Variants in BTBD7 observed in about 807,000 individuals in gnomAD.
BTBD7 encodes the protein BTB domain containing 7, also known as BTB/POZ domain-containing protein 7.
In BTBD7, 38 loss-of-function variants were observed where a neutral mutation model predicts 99.9. The observed-to-expected ratio is 0.38, with a 90% CI of 0.29 to 0.50. BTBD7 has a LOEUF of 0.50. Ranked by LOEUF, BTBD7 falls within the 20% of genes least tolerant of loss-of-function variation. The pLI is 0.93. For missense variants in BTBD7, 1,170 were observed against 1,394.6 expected, an observed-to-expected ratio of 0.84 and a Z score of 2.57; for synonymous variants, 520 against 511.4, an observed-to-expected ratio of 1.02 and a Z score of -0.23.
intron 1 of BTBD7, among the ~76,000 whole-genome samples, chr14:93,300,772 G>A (rs205323): frequency 0.55 from 36,575 of 66,500 alleles, 8,193 homozygotes; most frequent in Admixed American, 0.6. Flanking sequence ...GTGTGTGTGT[G>A]TATATATATA....
chr14:93,273,940 TGTG>T (rs1200103601), intron 3 of BTBD7, among the ~76,000 whole-genome samples: 1 of 152,224 alleles, frequency 6.6e-6, no homozygotes, highest in Non-Finnish European at 1.5e-5. Flanking sequence ...GTGCAAGGTC[TGTG>T]GCTATACAAC....
At chr14:93,318,316 G>A (rs1314081759) in intron 1 of BTBD7, among the ~76,000 whole-genome samples, 1 of 152,202 alleles carries the variant, frequency 6.6e-6, no homozygotes, top group East Asian at 1.9e-4. Context: ...AAAGGAGGAA[G>A]AAAGTGGTTA....
intron 3 of BTBD7, among the ~76,000 whole-genome samples, chr14:93,290,529 T>C (rs1017232620): frequency 6.7e-6 from 1 of 148,232 alleles, no homozygotes; most frequent in African/African-American, 2.5e-5. Context: ...TTTTTTTTTT[T>C]TTTTTTAAGA....
chr14:93,315,477 A>G (rs373701634), intron 1 of BTBD7, among the ~76,000 whole-genome samples: 1 of 152,160 alleles, frequency 6.6e-6, no homozygotes, highest in African/African-American at 2.4e-5. Flanking sequence ...CTGACACTAT[A>G]TTACTTGTAG....
At chr14:93,279,752 T>C (rs2052698220) in intron 3 of BTBD7, among the ~76,000 whole-genome samples, 1 of 152,224 alleles carries the variant, frequency 6.6e-6, no homozygotes, top group South Asian at 2.1e-4. Flanking sequence ...TTCACCATGT[T>C]GGCCAGACTG....
chr14:93,288,708 C>T (rs1332199104), intron 3 of BTBD7: 1 of 1,607,890 alleles, frequency 6.2e-7, no homozygotes, highest in South Asian at 1.1e-5. Context: ...GTAGTCTCCT[C>T]TGTAAAACAA....
chr14:93,244,085 A>G, intron 10 of BTBD7: 1 of 476,456 alleles, frequency 2.1e-6, no homozygotes, highest in Non-Finnish European at 4.2e-6. Flanking sequence ...GTGACACAGT[A>G]GAGGAAGGGC....
rs186896301 is a variant in BTBD7 at position 93,300,288 on chromosome 14, C to T, written c.-106-4131G>A. Among the ~76,000 whole-genome samples, 387 of 141,538 alleles carry T rather than the reference C, an allele frequency of 2.7e-3. 2 individuals carry two copies. Among genetic ancestry groups the T allele is most frequent in the African/African-American group, 9.4e-3 (366 of 38,770 alleles). 92.9% of individuals were successfully genotyped at this position (141,538 alleles called of 152,430 possible). ...TTTTTTTTTTTTTGAGATGGACTCTCGCTCTGTCGCCCAGCCTGGAGTGCA... is the reference window on the plus strand; with the variant it reads ...TTTTTTTTTTTTTGAGATGGACTCTTGCTCTGTCGCCCAGCCTGGAGTGCA... On this transcript the variant is annotated intron_variant, in intron 1 of 10. Transcript: ENST00000334746.
At chr14:93,294,984 C>G (rs897366138) in intron 2 of BTBD7, 47 bp from the exon 3 acceptor site, 3 of 1,467,828 alleles carry the variant, frequency 2.0e-6, no homozygotes, top group Non-Finnish European at 2.7e-6. Context: ...TCTTAACATT[C>G]ATTTTCAACG....
chr14:93,257,402 G>C lies in BTBD7; in HGVS notation c.1448-47C>G, dbSNP rs1182679354. ...GTTTCCAACCAAATCCAAATGTTCT[G>C]AGACAGGTTTCCTTTGTTCTCTAGT... On this transcript the variant is annotated intron_variant, in intron 5 of 10. Coordinates refer to ENST00000334746, the MANE Select transcript of BTBD7 (RefSeq NM_001002860.4). 1.9e-6 allele frequency: 3 copies of C among 1,556,692 alleles called. No homozygotes were observed. In the South Asian group the frequency reaches 3.7e-5, roughly 19 times the overall value.
At chr14:93,317,510 A>T (rs2053221516) in intron 1 of BTBD7, among the ~76,000 whole-genome samples, 1 of 152,148 alleles carries the variant, frequency 6.6e-6, no homozygotes. Context: ...ACACCCAGCT[A>T]ATCTTGATAC....
At chr14:93,331,222 G>C (rs1270474346) in intron 1 of BTBD7, among the ~76,000 whole-genome samples, 1 of 152,154 alleles carries the variant, frequency 6.6e-6, no homozygotes, top group African/African-American at 2.4e-5. Flanking sequence ...GGTAGTGAAT[G>C]GTGAAGAATG....
chr14:93,248,571 G>C lies in BTBD7; in HGVS notation c.2026C>G (p.Leu676Val). Residue 676 changes from leucine (L) to valine (V), a missense_variant, in exon 9 of 11, where the codon CTG becomes GTG. Transcript: ENST00000334746. ...ACAGTGGCGCCTTCCCCGCAGTTCAGGGCATAGGCCCTCTGCACCTGCTCC... is the reference window on the plus strand; with the variant it reads ...ACAGTGGCGCCTTCCCCGCAGTTCACGGCATAGGCCCTCTGCACCTGCTCC... ...HTEQVQRAYA[L>V]NCGEGATVSY... 2 of 1,614,078 alleles carry C rather than the reference G, an allele frequency of 1.2e-6. No individual in the cohort carries two copies. The highest frequency in any genetic ancestry group is 1.7e-6 in the Non-Finnish European group (2 of 1,180,036).
At chr14:93,300,218 T>G (rs2052977328) in intron 1 of BTBD7, among the ~76,000 whole-genome samples, 1 of 151,948 alleles carries the variant, frequency 6.6e-6, no homozygotes, top group African/African-American at 2.4e-5. Flanking sequence ...GTTTATTAGT[T>G]TAGGAAATAT....
intron 1 of BTBD7, among the ~76,000 whole-genome samples, chr14:93,324,577 T>C (rs1294875044): frequency 6.6e-6 from 1 of 152,188 alleles, no homozygotes; most frequent in Non-Finnish European, 1.5e-5. Context: ...CCAGATACCC[T>C]CTACCTCTCT....
chr14:93,306,474 A>G (rs1420970796), intron 1 of BTBD7, among the ~76,000 whole-genome samples: 4 of 151,962 alleles, frequency 2.6e-5, no homozygotes, highest in Non-Finnish European at 4.4e-5. Flanking sequence ...ATCAAGGAAG[A>G]AACAATTCAA....
At chr14:93,244,948 C>T (rs1012691233) in intron 10 of BTBD7, among the ~76,000 whole-genome samples, 1 of 150,114 alleles carries the variant, frequency 6.7e-6, no homozygotes, top group Non-Finnish European at 1.5e-5. Flanking sequence ...CCTCAACAAC[C>T]TCCCAGGCTC....
chr14:93,282,364 T>G (rs2052730702), intron 3 of BTBD7, among the ~76,000 whole-genome samples: 1 of 149,636 alleles, frequency 6.7e-6, no homozygotes, highest in South Asian at 2.1e-4. Flanking sequence ...ACAGTTTCGC[T>G]CTGTTGCCCA....
chr14:93,244,650 AAAAT>A (rs1246359045), intron 10 of BTBD7, among the ~76,000 whole-genome samples: 1 of 152,166 alleles, frequency 6.6e-6, no homozygotes, highest in Non-Finnish European at 1.5e-5. Context: ...CTCTGTCTCT[AAAAT>A]AAATAAAGAA....
Sources: allele counts gnomAD v4.1 joint callset (sites outside exome capture counted in the v4.1 genomes callset), GRCh38; gene constraint gnomAD v4.1.1; transcripts MANE v1.5; gene names NCBI Gene and HGNC (gene_info 2026-07-23, HGNC 2026-07-21).